PTPRD: variants seen among roughly 807,000 people sequenced by gnomAD.
PTPRD encodes the protein receptor-type tyrosine-protein phosphatase delta.
Under a neutral mutation model 214.5 loss-of-function variants are expected in PTPRD, and 34 were observed. That is an observed-to-expected ratio of 0.16 (90% confidence interval 0.12 to 0.21). PTPRD has a LOEUF of 0.21. Among genes scored for constraint, PTPRD ranks in the 10% least tolerant of loss-of-function variants. The pLI, the probability that PTPRD is intolerant of heterozygous loss-of-function variation, is 1.00. For missense variants in PTPRD, 2,545 were observed against 2,398.7 expected (o/e 1.06, Z -1.27); for synonymous variants, 1,128 against 845.7 (o/e 1.33, Z -5.79).
At chr9:9,240,229 A>C (rs1393687926) in intron 9 of PTPRD, among the ~76,000 whole-genome samples, 3 of 152,212 alleles carry the variant, frequency 2.0e-5, no homozygotes, top group Non-Finnish European at 4.4e-5. Context: ...AGTGAAATTA[A>C]GTAATAGTTA....
intron 3 of PTPRD, among the ~76,000 whole-genome samples, chr9:10,051,552 A>G (rs1013907398): frequency 6.6e-6 from 1 of 151,814 alleles, no homozygotes; most frequent in African/African-American, 2.4e-5. Context: ...TGCACCCATT[A>G]ACTCGTCATT....
At chr9:9,869,011 G>C (rs2064750147) in intron 5 of PTPRD, among the ~76,000 whole-genome samples, 2 of 152,058 alleles carry the variant, frequency 1.3e-5, no homozygotes, top group African/African-American at 4.8e-5. Flanking sequence ...ATCTAATTAA[G>C]AGGCATAATT....
Position 10,132,334 on chromosome 9 carries a change from T to C in PTPRD, c.-544-98544A>G, listed in dbSNP as rs140550802. Among the ~76,000 whole-genome samples the C allele has an allele frequency of 2.9e-3, 449 of 152,266 alleles. 2 individuals carry two copies. The highest frequency in any genetic ancestry group is 0.01 in the African/African-American group (417 of 41,576). ...TGATTATTCTAAGGCAAATAGATTC[T>C]CAGACAGAATGTAATTTAAAAAAAA... is the stretch of plus-strand genomic sequence containing the variant. On this transcript the variant is annotated intron_variant, in intron 3 of 45. Transcript: ENST00000381196.
intron 4 of PTPRD, among the ~76,000 whole-genome samples, chr9:9,982,551 C>A (rs1218134999): frequency 6.6e-6 from 1 of 151,254 alleles, no homozygotes; most frequent in East Asian, 2.0e-4. Context: ...TATTTATGAT[C>A]ACAGAAAAGT....
intron 2 of PTPRD, among the ~76,000 whole-genome samples, chr9:10,594,411 T>C (rs907273109): frequency 5.3e-5 from 8 of 151,990 alleles, no homozygotes; most frequent in African/African-American, 1.9e-4. Context: ...TGATCAATGA[T>C]TAATACCAAA....
intron 7 of PTPRD, among the ~76,000 whole-genome samples, chr9:9,706,435 T>G (rs2097609075): frequency 6.6e-6 from 1 of 152,048 alleles, no homozygotes; most frequent in Non-Finnish European, 1.5e-5. Context: ...CACCGTACTT[T>G]TGCTAACTCT....
At chr9:10,230,804 T>A (rs2099606761) in intron 3 of PTPRD, among the ~76,000 whole-genome samples, 1 of 152,144 alleles carries the variant, frequency 6.6e-6, no homozygotes, top group African/African-American at 2.4e-5. Flanking sequence ...GTTACTTATA[T>A]GCATTTATTT....
chr9:9,688,862 CT>C (rs1199895589), intron 7 of PTPRD, among the ~76,000 whole-genome samples: 1 of 151,460 alleles, frequency 6.6e-6, no homozygotes, highest in Non-Finnish European at 1.5e-5. Flanking sequence ...TAAGGGGGTA[CT>C]TGTTTTTTTT....
At chr9:9,637,167 C>T (rs990075053) in intron 7 of PTPRD, among the ~76,000 whole-genome samples, 1 of 152,068 alleles carries the variant, frequency 6.6e-6, no homozygotes, top group Non-Finnish European at 1.5e-5. Flanking sequence ...CATAGCACTC[C>T]ACCCCAGAAC....
At chr9:9,050,085 T>C (rs1252199293) in intron 10 of PTPRD, among the ~76,000 whole-genome samples, 1 of 152,226 alleles carries the variant, frequency 6.6e-6, no homozygotes, top group Non-Finnish European at 1.5e-5. Flanking sequence ...GTGCAATTTA[T>C]TGCCCATGCA....
chr9:9,231,643 T>A (rs1327958149), intron 9 of PTPRD, among the ~76,000 whole-genome samples: 3 of 152,192 alleles, frequency 2.0e-5, no homozygotes, highest in Admixed American at 2.0e-4. Flanking sequence ...TATTCCTGAA[T>A]GCCATTTTTG....
Position 9,503,217 on chromosome 9 carries a change from G to T in PTPRD, c.-237+71515C>A, listed in dbSNP as rs1312965702. Reference sequence around the variant, plus strand: ...GAGAGTTATTCTTATTTTAGTTATAGCTCAGTAATGTTACCATTGGATTTT... The same window carrying T: ...GAGAGTTATTCTTATTTTAGTTATATCTCAGTAATGTTACCATTGGATTTT... On this transcript the variant is annotated intron_variant, in intron 8 of 45. Coordinates refer to ENST00000381196, the MANE Select transcript of PTPRD (RefSeq NM_002839.4). Among the ~76,000 whole-genome samples, 3 of 151,552 alleles carry T rather than the reference G, an allele frequency of 2.0e-5. No individual in the cohort carries two copies. In the East Asian group the frequency reaches 5.8e-4, roughly 29 times the overall value.
chr9:9,052,949 G>A (rs868352385), intron 10 of PTPRD, among the ~76,000 whole-genome samples: 53 of 152,252 alleles, frequency 3.5e-4, no homozygotes, highest in Middle Eastern at 6.8e-3. Flanking sequence ...TTTACGTACT[G>A]AAACATTCTG....
intron 2 of PTPRD, among the ~76,000 whole-genome samples, chr9:10,499,570 T>C (rs943817783): frequency 2.0e-5 from 3 of 151,948 alleles, no homozygotes; most frequent in African/African-American, 7.2e-5. Context: ...ATGTGTGTGA[T>C]TAATCAAATC....
intron 30 of PTPRD, among the ~76,000 whole-genome samples, chr9:8,483,314 T>C (rs118041855): frequency 1.5e-4 from 23 of 152,348 alleles, no homozygotes; most frequent in Admixed American, 2.0e-4. Context: ...TTTTAATACA[T>C]CAGTGTCATA....
At chr9:10,351,616 T>C (rs1201228732) in intron 2 of PTPRD, among the ~76,000 whole-genome samples, 7 of 151,446 alleles carry the variant, frequency 4.6e-5, no homozygotes, top group Admixed American at 4.6e-4. Context: ...ATCCAAGAAA[T>C]AATACTGGGC....
intron 8 of PTPRD, among the ~76,000 whole-genome samples, chr9:9,398,183 T>C (rs2068653018): frequency 6.6e-6 from 1 of 151,184 alleles, no homozygotes. Context: ...TATTTTTTTC[T>C]AGCCATTCCT....
intron 39 of PTPRD, among the ~76,000 whole-genome samples, chr9:8,355,299 G>A (rs963982511): frequency 2.0e-5 from 3 of 152,156 alleles, no homozygotes; most frequent in African/African-American, 7.2e-5. Context: ...TATCACGCTT[G>A]CTGTACTGCC....
chr9:8,484,924 T>G (rs895512056), intron 29 of PTPRD, among the ~76,000 whole-genome samples: 1 of 152,204 alleles, frequency 6.6e-6, no homozygotes, highest in East Asian at 1.9e-4. Context: ...GTAGAAACCA[T>G]GTAAATTTCA....
Sources: allele counts gnomAD v4.1 joint callset (sites outside exome capture counted in the v4.1 genomes callset), GRCh38; gene constraint gnomAD v4.1.1; transcripts MANE v1.5; gene names NCBI Gene and HGNC (gene_info 2026-07-23, HGNC 2026-07-21).